ITGA9: variants seen among roughly 807,000 people sequenced by gnomAD.
ITGA9 encodes integrin subunit alpha 9, also known as integrin alpha-9.
In ITGA9, 56 loss-of-function variants were observed where a neutral mutation model predicts 127.8. The ratio of observed to expected loss-of-function variants is 0.44; its 90% CI spans 0.35 to 0.55. The LOEUF is 0.55. Ranked by LOEUF, ITGA9 falls within the 20% of genes least tolerant of loss-of-function variation. ITGA9 has a pLI of 0.00. For missense variants in ITGA9, 1,196 were observed against 1,347.1 expected, an observed-to-expected ratio of 0.89 and a Z score of 1.76; for synonymous variants, 508 against 514.5, an observed-to-expected ratio of 0.99 and a Z score of 0.17.
intron 18 of ITGA9, among the ~76,000 whole-genome samples, chr3:37,722,179 C>G (rs1313801682): frequency 2.6e-5 from 4 of 152,138 alleles, no homozygotes; most frequent in Non-Finnish European, 5.9e-5. Flanking sequence ...TTAGCCCCTT[C>G]TTAGCTTGCA....
chr3:37,455,337 T>C (rs1246284677), intron 1 of ITGA9, among the ~76,000 whole-genome samples: 1 of 152,226 alleles, frequency 6.6e-6, no homozygotes, highest in Non-Finnish European at 1.5e-5. Context: ...TTGAATAAAT[T>C]CCTGGGCTTA....
At chr3:37,706,963 T>TGG (rs1394914534) in intron 18 of ITGA9, among the ~76,000 whole-genome samples, 1 of 152,040 alleles carries the variant, frequency 6.6e-6, no homozygotes, top group Non-Finnish European at 1.5e-5. Flanking sequence ...TCTGGAGGGG[T>TGG]GGGGCTTCAA....
At chr3:37,618,616 C>G (rs1040632898) in intron 15 of ITGA9, among the ~76,000 whole-genome samples, 11 of 152,220 alleles carry the variant, frequency 7.2e-5, no homozygotes, top group Non-Finnish European at 1.3e-4. Context: ...CCACTCAGTT[C>G]GAGCTTCTCA....
intron 5 of ITGA9, among the ~76,000 whole-genome samples, chr3:37,495,390 G>A (rs1020527903): frequency 2.6e-5 from 4 of 152,124 alleles, no homozygotes; most frequent in African/African-American, 7.2e-5. Context: ...CTGTTTTCTT[G>A]TGTCATTCTT....
At chr3:37,665,997 A>G (rs978407576) in intron 17 of ITGA9, among the ~76,000 whole-genome samples, 1 of 152,212 alleles carries the variant, frequency 6.6e-6, no homozygotes, top group African/African-American at 2.4e-5. Flanking sequence ...ACACAATGCT[A>G]CGGTGTTCAT....
At chr3:37,498,618 G>T (rs140546837) in intron 5 of ITGA9, among the ~76,000 whole-genome samples, 1 of 152,292 alleles carries the variant, frequency 6.6e-6, no homozygotes, top group Non-Finnish European at 1.5e-5. Context: ...GTCAGCATGT[G>T]CTGGCTGTGC....
At chr3:37,596,105 C>T (rs989140349) in intron 15 of ITGA9, among the ~76,000 whole-genome samples, 5 of 152,210 alleles carry the variant, frequency 3.3e-5, no homozygotes, top group African/African-American at 1.2e-4. Context: ...CAAATGTCCC[C>T]TTCCTGCTGT....
intron 24 of ITGA9, 96 bp from the exon 25 acceptor site, chr3:37,779,806 A>G (rs779753138): frequency 6.4e-5 from 76 of 1,188,686 alleles, no homozygotes; most frequent in East Asian, 9.4e-5. Context: ...GAATTGCCTT[A>G]GTCACCAAGT....
intron 5 of ITGA9, among the ~76,000 whole-genome samples, chr3:37,499,868 A>T (rs1273623832): frequency 2.0e-5 from 3 of 152,180 alleles, no homozygotes; most frequent in Non-Finnish European, 4.4e-5. Context: ...ATGCAGTGGT[A>T]TGGTAGGCAT....
chr3:37,544,469 G>C (rs913302781), intron 15 of ITGA9, among the ~76,000 whole-genome samples: 16 of 152,170 alleles, frequency 1.1e-4, no homozygotes, highest in African/African-American at 3.9e-4. Flanking sequence ...ACATTTTGCT[G>C]TTTATCTGAA....
chr3:37,757,128 C>T (rs1696661999), intron 23 of ITGA9, among the ~76,000 whole-genome samples: 1 of 151,384 alleles, frequency 6.6e-6, no homozygotes, highest in African/African-American at 2.4e-5. Context: ...TGAAATAAAC[C>T]CAACTCAAAG....
chr3:37,598,994 A>G (rs1424734959), intron 15 of ITGA9, among the ~76,000 whole-genome samples: 2 of 152,226 alleles, frequency 1.3e-5, no homozygotes, highest in African/African-American at 2.4e-5. Flanking sequence ...ATTATAATAA[A>G]GAATACCACG....
At chr3:37,748,131 G>A in intron 22 of ITGA9, 1 of 489,990 alleles carries the variant, frequency 2.0e-6, no homozygotes. Flanking sequence ...CAAAGGGAAA[G>A]AGGAAAGGCA....
intron 11 of ITGA9, among the ~76,000 whole-genome samples, chr3:37,521,406 G>A (rs1699042944): frequency 6.6e-6 from 1 of 152,158 alleles, no homozygotes; most frequent in Admixed American, 6.5e-5. Context: ...ACTCTCTCTC[G>A]AGTTTACCAC....
chr3:37,747,548 C>A, intron 22 of ITGA9, among the ~76,000 whole-genome samples: 1 of 150,144 alleles, frequency 6.7e-6, no homozygotes, highest in Admixed American at 6.6e-5. Context: ...GCCATCCCCC[C>A]ATTATCCTTC....
At chr3:37,783,548 G>GC (rs1315732638) in intron 25 of ITGA9, among the ~76,000 whole-genome samples, 1 of 151,854 alleles carries the variant, frequency 6.6e-6, no homozygotes, top group Non-Finnish European at 1.5e-5. Flanking sequence ...GTTTCCCCAG[G>GC]CTGGACTTGA....
At chr3:37,790,456 G>C (rs904804956) in intron 26 of ITGA9, 6 of 390,042 alleles carry the variant, frequency 1.5e-5, no homozygotes, top group Admixed American at 1.5e-4. Flanking sequence ...CTCATAACAT[G>C]ATGCCCTCAG....
rs546538087 is a variant in ITGA9 at position 37,657,311 on chromosome 3, G to A, written c.1916+3521G>A. Among the ~76,000 whole-genome samples the A allele has an allele frequency of 7.2e-5, 11 of 152,172 alleles. No individual in the cohort carries two copies. The South Asian group carries it at 2.1e-3, about 29-fold the overall frequency. On this transcript the variant is annotated intron_variant, in intron 17 of 27. Transcript: ENST00000264741. ...TCTGGTAGAATTCAGTTGTGAATCC[G>A]CCTGGTCCTGGGCTTTTTTTGGTTG...
intron 10 of ITGA9, 25 bp downstream of exon 10, chr3:37,517,634 G>A (rs777936121): frequency 2.0e-6 from 3 of 1,497,658 alleles, no homozygotes; most frequent in African/African-American, 2.8e-5. Flanking sequence ...CTGGTGCACG[G>A]AGCCCCTCCA....
Sources: allele counts gnomAD v4.1 joint callset (sites outside exome capture counted in the v4.1 genomes callset), GRCh38; gene constraint gnomAD v4.1.1; transcripts MANE v1.5; gene names NCBI Gene and HGNC (gene_info 2026-07-23, HGNC 2026-07-21).